Variants in GPR39 observed in about 807,000 individuals in gnomAD.
The protein encoded by GPR39 is G protein-coupled receptor 39, also known as zinc sensing receptor.
In GPR39, 23 loss-of-function variants were observed where a neutral mutation model predicts 18.4. That is an observed-to-expected ratio of 1.25 (90% confidence interval 0.90 to 1.77). GPR39 has a LOEUF of 1.77. Among genes scored for constraint, GPR39 ranks in the 40% most tolerant of loss-of-function variants. The pLI is 0.00. For missense variants in GPR39, 647 were observed against 602.4 expected (o/e 1.07, Z -0.78); for synonymous variants, 280 against 257.9 (o/e 1.09, Z -0.82).
chr2:132,427,122 A>T (rs1191621224), intron 1 of GPR39, among the ~76,000 whole-genome samples: 3 of 69,438 alleles, frequency 4.3e-5, no homozygotes, highest in Admixed American at 1.8e-4. Flanking sequence ...TAATATACAT[A>T]TATAGGTACA....
At chr2:132,604,977 A>G (rs1206261946) in intron 1 of GPR39, 2 of 152,268 alleles carry the variant, frequency 1.3e-5, no homozygotes, top group Non-Finnish European at 2.9e-5. Flanking sequence ...GTCAGATATC[A>G]TACAAAGTGC....
intron 1 of GPR39, among the ~76,000 whole-genome samples, chr2:132,430,642 A>T (rs2104758556): frequency 1.3e-5 from 2 of 152,218 alleles, no homozygotes; most frequent in African/African-American, 4.8e-5. Flanking sequence ...CCATCCAGGG[A>T]TGAGAACCTT....
rs1679927563 is a variant in GPR39, at chr2:132,417,478, G to A, written c.436G>A (p.Val146Met). 1.2e-6 allele frequency: 2 copies of A among 1,614,084 alleles called. No homozygotes were observed. Among genetic ancestry groups the A allele is most frequent in the African/African-American group, 2.7e-5 (2 of 74,938 alleles). The change falls in exon 1 of 2, where the codon GTG becomes ATG. Residue 146 changes from valine (V) to methionine (M), a missense_variant. Coordinates refer to ENST00000329321, the MANE Select transcript of GPR39 (RefSeq NM_001508.3). ...CTGTCACCCCTTCAGGTACAAGGCT[G>A]TGTCGGGACCTTGCCAGGTGAAGCT... ...AICHPFRYKA[V>M]SGPCQVKLLI...
chr2:132,437,393 C>G (rs1680344730), intron 1 of GPR39, among the ~76,000 whole-genome samples: 1 of 152,110 alleles, frequency 6.6e-6, no homozygotes, highest in Admixed American at 6.5e-5. Context: ...CATAGATGCT[C>G]CTGGGGAAGC....
intron 1 of GPR39, among the ~76,000 whole-genome samples, chr2:132,607,649 G>T (rs774422370): frequency 1.3e-5 from 2 of 152,162 alleles, no homozygotes; most frequent in Non-Finnish European, 2.9e-5. Context: ...GATAACAGCT[G>T]TGAGAAAAAC....
intron 1 of GPR39, among the ~76,000 whole-genome samples, chr2:132,430,326 A>G (rs959589612): frequency 7.9e-5 from 12 of 152,192 alleles, no homozygotes; most frequent in African/African-American, 2.2e-4. Context: ...TCCAATGTGT[A>G]GCCAGGGTTG....
At chr2:132,492,668 A>C (rs185310201) in intron 1 of GPR39, among the ~76,000 whole-genome samples, 1,909 of 134,074 alleles carry the variant, frequency 0.014, 55 homozygotes, top group African/African-American at 0.054. Context: ...TACACACCAT[A>C]TATATATAAT....
intron 1 of GPR39, among the ~76,000 whole-genome samples, chr2:132,451,175 G>GTGTGTGTGCT (rs1553448283): frequency 2.2e-5 from 1 of 46,366 alleles, no homozygotes; most frequent in South Asian, 4.8e-4. Context: ...GTGTGTGTGT[G>GTGTGTGTGCT]CACGCGCGTG....
chr2:132,545,642 G>C (rs527878065), intron 1 of GPR39, among the ~76,000 whole-genome samples: 1 of 140,634 alleles, frequency 7.1e-6, no homozygotes, highest in East Asian at 2.2e-4. Flanking sequence ...TATAATCCAC[G>C]ATGTGTGATG....
intron 1 of GPR39, among the ~76,000 whole-genome samples, chr2:132,580,988 C>CAAAA (rs139481939): frequency 7.2e-6 from 1 of 138,038 alleles, no homozygotes; most frequent in African/African-American, 2.8e-5. Flanking sequence ...AAAAAAACAC[C>CAAAA]AAAAAAAAAC....
chr2:132,558,259 G>A (rs756894107), intron 1 of GPR39, among the ~76,000 whole-genome samples: 3 of 152,066 alleles, frequency 2.0e-5, no homozygotes, highest in Non-Finnish European at 2.9e-5. Flanking sequence ...AATGAGACTA[G>A]CAATACCTGC....
At chr2:132,420,499 G>A (rs1226927564) in intron 1 of GPR39, among the ~76,000 whole-genome samples, 2 of 152,106 alleles carry the variant, frequency 1.3e-5, no homozygotes, top group Admixed American at 1.3e-4. Context: ...TTTACAAATC[G>A]CTGAATTTAA....
chr2:132,563,491 T>A (rs189678495), intron 1 of GPR39, among the ~76,000 whole-genome samples: 1,614 of 152,182 alleles, frequency 0.011, 22 homozygotes, highest in South Asian at 0.022. Context: ...GGAGTAAAAA[T>A]AAAATGAGTA....
At chr2:132,498,825 G>A (rs572504403) in intron 1 of GPR39, among the ~76,000 whole-genome samples, 2 of 152,298 alleles carry the variant, frequency 1.3e-5, no homozygotes, top group Admixed American at 6.5e-5. Flanking sequence ...GTGATGCTGA[G>A]CATTTTTCCA....
intron 1 of GPR39, among the ~76,000 whole-genome samples, chr2:132,420,410 A>G (rs971034050): frequency 2.6e-5 from 4 of 152,236 alleles, no homozygotes; most frequent in Admixed American, 2.6e-4. Flanking sequence ...AGATTAATTC[A>G]ATGCAATTTA....
intron 1 of GPR39, among the ~76,000 whole-genome samples, chr2:132,551,976 C>T (rs1340680320): frequency 6.6e-6 from 1 of 152,122 alleles, no homozygotes; most frequent in Non-Finnish European, 1.5e-5. Flanking sequence ...CAGGGTCCTC[C>T]AGAGAAATAG....
intron 1 of GPR39, among the ~76,000 whole-genome samples, chr2:132,596,657 T>G (rs1275196712): frequency 2.0e-5 from 3 of 152,220 alleles, no homozygotes; most frequent in East Asian, 3.8e-4. Flanking sequence ...TTCAACTCTT[T>G]GTCTCTCATG....
chr2:132,639,202 A>G (rs902810988), intron 1 of GPR39, among the ~76,000 whole-genome samples: 1 of 151,990 alleles, frequency 6.6e-6, no homozygotes, highest in Non-Finnish European at 1.5e-5. Flanking sequence ...GGCCCCAGCC[A>G]TCAAGAAGCA....
chr2:132,506,375 C>T (rs558655500), intron 1 of GPR39, among the ~76,000 whole-genome samples: 3 of 152,102 alleles, frequency 2.0e-5, no homozygotes, highest in Non-Finnish European at 4.4e-5. Context: ...TCTGTTGTTT[C>T]CTTTGCTGTG....
Sources: allele counts gnomAD v4.1 joint callset (sites outside exome capture counted in the v4.1 genomes callset), GRCh38; gene constraint gnomAD v4.1.1; transcripts MANE v1.5; gene names NCBI Gene and HGNC (gene_info 2026-07-23, HGNC 2026-07-21).